TTC23L: variants seen among roughly 807,000 people sequenced by gnomAD.
TTC23L encodes tetratricopeptide repeat domain 23 like, also known as tetratricopeptide repeat protein 23-like.
TTC23L carries 42 observed loss-of-function variants against 48.1 expected under a neutral mutation model. That is an observed-to-expected ratio of 0.87 (90% CI 0.68 to 1.13). The LOEUF (loss-of-function observed/expected upper bound fraction) is 1.13, where lower values mean the gene tolerates loss of function less well. Among genes scored for constraint, TTC23L ranks in the 50% most tolerant of loss-of-function variants. The probability of loss-of-function intolerance (pLI) is 0.00; values close to 1 mark genes in which losing one functional copy is unlikely to be tolerated. For synonymous variants in TTC23L, 159 were observed against 157.2 expected (o/e 1.01, Z -0.09); for missense variants, 391 against 421.0 (o/e 0.93, Z 0.62).
chr5:34,875,851 C>T (rs1305406295), intron 8 of TTC23L, among the ~76,000 whole-genome samples: 1 of 152,162 alleles, frequency 6.6e-6, no homozygotes, highest in Non-Finnish European at 1.5e-5. Context: ...TCTTCCCAAG[C>T]TCACATGGAA....
chr5:34,913,658 C>A, the TTC23L span: 1 of 825,192 alleles, frequency 1.2e-6, no homozygotes, highest in Non-Finnish European at 1.9e-6. Flanking sequence ...TCACTTTATA[C>A]GTTTAAAAAA....
At chr5:34,894,026 A>T (rs1454092754) in intron 9 of TTC23L, among the ~76,000 whole-genome samples, 1 of 152,078 alleles carries the variant, frequency 6.6e-6, no homozygotes, top group African/African-American at 2.4e-5. Context: ...TGTCAAAAGT[A>T]TGGGGAGCTC....
chr5:34,899,170 C>T (rs1482496661), intron 10 of TTC23L, among the ~76,000 whole-genome samples: 3 of 152,206 alleles, frequency 2.0e-5, no homozygotes, highest in Admixed American at 2.0e-4. Flanking sequence ...GAAGAAAACC[C>T]GAGACTCTAG....
At chr5:34,862,900 C>A in exon 5 of TTC23L, 1 of 1,613,858 alleles carries the variant, frequency 6.2e-7, no homozygotes, top group South Asian at 1.1e-5. Flanking sequence ...TCCCCCAGGC[C>A]TCCCAGTTCA....
chr5:34,848,309 C>G (rs985159102), intron 3 of TTC23L, among the ~76,000 whole-genome samples: 1 of 152,166 alleles, frequency 6.6e-6, no homozygotes, highest in Admixed American at 6.5e-5. Context: ...TTAGAGAGCT[C>G]TACCTGTCAT....
intron 4 of TTC23L, among the ~76,000 whole-genome samples, chr5:34,856,255 A>C (rs1483500542): frequency 1.3e-5 from 2 of 152,180 alleles, no homozygotes; most frequent in Admixed American, 1.3e-4. Flanking sequence ...AATGTTCCAA[A>C]ATCTAAAACT....
At chr5:34,844,955 G>T (rs534211495) in intron 2 of TTC23L, among the ~76,000 whole-genome samples, 2 of 152,136 alleles carry the variant, frequency 1.3e-5, no homozygotes, top group African/African-American at 4.8e-5. Context: ...GCCTCAAAAT[G>T]TTGGTTTCCT....
intron 4 of TTC23L, among the ~76,000 whole-genome samples, chr5:34,854,156 C>T (rs1759917850): frequency 6.6e-6 from 1 of 152,190 alleles, no homozygotes; most frequent in African/African-American, 2.4e-5. Context: ...CCCTAACTGA[C>T]AGTTTTTCCT....
intron 8 of TTC23L, among the ~76,000 whole-genome samples, chr5:34,879,441 A>T (rs1738563535): frequency 6.6e-6 from 1 of 152,216 alleles, no homozygotes; most frequent in South Asian, 2.1e-4. Context: ...TCAAGCCATA[A>T]CAACTATATA....
chr5:34,846,639 GTA>G lies in TTC23L; in HGVS notation c.255+973_255+974del, dbSNP rs561121981. On this transcript the variant is annotated intron_variant, in intron 3 of 10. Coordinates refer to ENST00000505624, the Ensembl canonical transcript of TTC23L. The stretch of plus-strand genomic sequence containing the variant: ...TATACACACACATATACATATATAC[GTA>G]TATATACAAATACATATATGTGTGT... Among the ~76,000 whole-genome samples, 754 of 113,534 alleles carry G rather than the reference GTA, an allele frequency of 6.6e-3. 7 individuals carry two copies. Among genetic ancestry groups the G allele is most frequent in the African/African-American group, 0.024 (707 of 29,678 alleles). The allele number at this position is 113,534 out of a possible 152,430, so 74.5% of individuals were successfully genotyped here.
At chr5:34,914,910 G>A in the TTC23L span, 1 of 1,613,774 alleles carries the variant, frequency 6.2e-7, no homozygotes, top group Non-Finnish European at 8.5e-7. Context: ...TGCGCATTCG[G>A]CCCCGAGGGA....
the TTC23L span, chr5:34,911,688 G>T: frequency 5.6e-6 from 9 of 1,614,002 alleles, no homozygotes; most frequent in Admixed American, 1.5e-4. Context: ...AGAAATCAAA[G>T]TCCAGGGTCT....
intron 8 of TTC23L, among the ~76,000 whole-genome samples, chr5:34,870,006 T>C (rs374429642): frequency 1.3e-5 from 2 of 152,144 alleles, no homozygotes; most frequent in Non-Finnish European, 2.9e-5. Flanking sequence ...GAGTAGTCTT[T>C]GTGGTTACAA....
chr5:34,875,207 A>G (rs1408873084), intron 8 of TTC23L, among the ~76,000 whole-genome samples: 1 of 152,224 alleles, frequency 6.6e-6, no homozygotes, highest in Non-Finnish European at 1.5e-5. Context: ...ATTTGAGGCA[A>G]AAACTGATGG....
chr5:34,888,578 G>GAT (rs1762673402), intron 9 of TTC23L: 1 of 939,370 alleles, frequency 1.1e-6, no homozygotes, highest in South Asian at 4.9e-5. Flanking sequence ...CATCAATGTG[G>GAT]ATATATGCAT....
At chr5:34,878,673 A>G (rs892209438) in intron 8 of TTC23L, among the ~76,000 whole-genome samples, 13 of 152,352 alleles carry the variant, frequency 8.5e-5, no homozygotes, top group African/African-American at 3.1e-4. Context: ...GCTATTATGA[A>G]AAAGACAAAA....
At chr5:34,925,112 C>CT in the TTC23L span, 1 of 1,441,652 alleles carries the variant, frequency 6.9e-7, no homozygotes, top group East Asian at 2.5e-5. Context: ...AAATTACTCC[C>CT]TTTTTTCATG....
At chr5:34,866,860 GTGACTTTCTA>G in intron 6 of TTC23L, 22 bp from the exon 7 acceptor site, 1 of 1,540,274 alleles carries the variant, frequency 6.5e-7, no homozygotes. Context: ...TGGCCTCTCT[GTGACTTTCTA>G]TTTTCATCCC....
intron 8 of TTC23L, among the ~76,000 whole-genome samples, chr5:34,871,653 T>C (rs559822560): frequency 6.6e-6 from 1 of 152,292 alleles, no homozygotes; most frequent in South Asian, 2.1e-4. Context: ...AGATTTACTA[T>C]AAAGCAGTAA....
Sources: allele counts gnomAD v4.1 joint callset (sites outside exome capture counted in the v4.1 genomes callset), GRCh38; gene constraint gnomAD v4.1.1; transcripts MANE v1.5; gene names NCBI Gene and HGNC (gene_info 2026-07-23, HGNC 2026-07-21).